BCL6: variants seen among roughly 807,000 people sequenced by gnomAD.
BCL6 encodes B-cell lymphoma 6 protein.
In BCL6, 7 loss-of-function variants were observed where a neutral mutation model predicts 59.5. That is an observed-to-expected ratio of 0.12 (90% CI 0.07 to 0.22). The LOEUF (loss-of-function observed/expected upper bound fraction) is 0.22. Among genes scored for constraint, BCL6 ranks in the 10% least tolerant of loss-of-function variants. BCL6 has a pLI of 1.00. For missense variants in BCL6, 685 were observed against 939.4 expected, an observed-to-expected ratio of 0.73 and a Z score of 3.54; for synonymous variants, 339 against 349.7, an observed-to-expected ratio of 0.97 and a Z score of 0.34.
Position 187,731,812 on chromosome 3 carries a change from G to A in BCL6, c.280C>T (p.Arg94Trp), listed in dbSNP as rs781532443. ...ATGTTGCCCTCCCGCAAATTGAGCC[G>A]AGATGTGTACATGAAGTCCAGGAGG... ...CILLDFMYTS[R>W]LNLREGNIMA... Residue 94 changes from arginine to tryptophan, a missense_variant, in exon 4 of 10, where the codon CGG (arginine) becomes TGG (tryptophan). Coordinates refer to ENST00000406870, the MANE Select transcript of BCL6 (RefSeq NM_001706.5). 1.4e-5 allele frequency: 23 copies of A among 1,614,000 alleles called. No individual in the cohort carries two copies. Among genetic ancestry groups the A allele is most frequent in the Non-Finnish European group, 1.6e-5 (19 of 1,180,038 alleles).
At chr3:187,742,847 AT>A (rs1311892433) in intron 1 of BCL6, among the ~76,000 whole-genome samples, 1 of 152,076 alleles carries the variant, frequency 6.6e-6, no homozygotes, top group Non-Finnish European at 1.5e-5. Flanking sequence ...ATGTGATTTC[AT>A]CTCTCTTCTT....
intron 5 of BCL6, 80 bp from the exon 6 acceptor site, chr3:187,728,624 C>A: frequency 7.1e-7 from 1 of 1,416,608 alleles, no homozygotes. Flanking sequence ...TGTAGGCAAG[C>A]CCAGAGGCCA....
intron 1 of BCL6, chr3:187,737,752 C>CTTTTTTTTTTTT (rs60679881): frequency 8.4e-5 from 7 of 83,402 alleles, no homozygotes; most frequent in Non-Finnish European, 1.1e-4. Context: ...GTGTGTATGC[C>CTTTTTTTTTTTT]TTTTTTTTTT....
At chr3:187,739,888 G>T (rs531351627) in intron 1 of BCL6, among the ~76,000 whole-genome samples, 1 of 152,320 alleles carries the variant, frequency 6.6e-6, no homozygotes, top group Middle Eastern at 3.4e-3. Context: ...CCTTATTCAC[G>T]TTAATGAAGA....
intron 6 of BCL6, among the ~76,000 whole-genome samples, chr3:187,727,265 A>G (rs6791768): frequency 0.2 from 30,951 of 152,228 alleles, 4,057 homozygotes; most frequent in African/African-American, 0.38. Flanking sequence ...ATTTACATTT[A>G]TACACAGAAG....
At position 187,728,532 on chromosome 3, in the gene BCL6, G is replaced by A; in HGVS notation, c.1368C>T (p.Gly456=). 6.2e-7 allele frequency: 1 copy of A among 1,608,704 alleles called. No homozygotes were observed. Among genetic ancestry groups the A allele is most frequent in the Non-Finnish European group, 8.5e-7 (1 of 1,178,708 alleles). Residue 456 remains glycine (G), a synonymous_variant, in exon 6 of 10, where the codon GGC becomes GGT. Transcript: ENST00000406870. The part of the protein sequence containing the change: ...LNNIVNRSMT[G]SPRSSSESHS... Reference sequence around the variant, plus strand: ...GGCTCTCGCTGCTGCTGCGGGGAGAGCCCGTCATGGACCTATGGACAGGAG... The same window carrying A: ...GGCTCTCGCTGCTGCTGCGGGGAGAACCCGTCATGGACCTATGGACAGGAG...
At chr3:187,743,210 A>C (rs2108481585) in intron 1 of BCL6, among the ~76,000 whole-genome samples, 1 of 152,034 alleles carries the variant, frequency 6.6e-6, no homozygotes, top group Admixed American at 6.5e-5. Context: ...AAACACATCT[A>C]CTGACACTCA....
Sources: gnomAD v4.1 joint callset for allele counts (sites outside exome capture counted in the v4.1 genomes callset) on GRCh38, gnomAD v4.1.1 for gene constraint, MANE v1.5 for transcripts, NCBI Gene and HGNC (gene_info 2026-07-23, HGNC 2026-07-21) for gene names.